The following LMTK2 variants were observed in gnomAD, a reference collection of about 807,000 sequenced individuals.
The protein encoded by LMTK2 is lemur tail kinase 2, also known as serine/threonine-protein kinase LMTK2.
Under a neutral mutation model 127.5 loss-of-function variants are expected in LMTK2, and 37 were observed. The observed-to-expected ratio is 0.29, with a 90% CI of 0.22 to 0.38. The LOEUF is 0.38. LMTK2 is among the 10% of genes least tolerant of loss of function. The pLI is 1.00. For synonymous variants in LMTK2, 819 were observed against 810.1 expected (o/e 1.01, Z -0.19); for missense variants, 1,694 against 1,920.3 (o/e 0.88, Z 2.20).
chr7:98,155,138 G>A (rs1357864770), intron 5 of LMTK2, among the ~76,000 whole-genome samples: 1 of 152,108 alleles, frequency 6.6e-6, no homozygotes, highest in African/African-American at 2.4e-5. Flanking sequence ...GAATTTTAAA[G>A]CACTCATCAT....
intron 6 of LMTK2, among the ~76,000 whole-genome samples, chr7:98,170,464 C>T (rs75522698): frequency 0.012 from 1,880 of 151,702 alleles, 25 homozygotes; most frequent in Non-Finnish European, 0.019. Flanking sequence ...GATAAATTGG[C>T]TATCTTCAGT....
rs994777035 is a variant in LMTK2 at position 98,209,538 on chromosome 7, T to C, written c.*4046T>C. 1 of 152,080 alleles carries C rather than the reference T, an allele frequency of 6.6e-6. No homozygotes were observed. The highest frequency in any genetic ancestry group is 2.4e-5 in the African/African-American group (1 of 41,308). The allele number at this position is 152,080 out of a possible 1,614,324, so 9.4% of individuals were successfully genotyped here. A position where few individuals can be genotyped will look rare whatever the true frequency, so the allele number is the denominator to read the frequency against. ...TGTGTACATTTTTAAATTGTAAGAT[T>C]TTTACTGTATATTGATGCATAGTGT... is the stretch of plus-strand genomic sequence containing the variant. On this transcript the variant is annotated 3_prime_UTR_variant, in exon 14 of 14. Transcript: ENST00000297293.
Position 98,190,738 on chromosome 7 carries a change from G to A in LMTK2, c.1009G>A (p.Val337Met). The change falls in exon 10 of 14, where the codon GTG becomes ATG. Residue 337 changes from valine to methionine, a missense_variant. Around this residue, in one of 8 missense-constraint regions of LMTK2, gnomAD observed 47 missense variants for 95.4 expected, o/e 0.49. Transcript: ENST00000297293. ...TKYSNIWSLG[V>M]TLWELFDNAA... ...TTCTTTTTCCAACAGGTCTCTGGGT[G>A]TGACACTTTGGGAGCTTTTTGACAA... The A allele has an allele frequency of 1.2e-6, 2 of 1,614,202 alleles. No individual in the cohort carries two copies. Among genetic ancestry groups the A allele is most frequent in the Non-Finnish European group, 1.7e-6 (2 of 1,180,042 alleles).
At chr7:98,163,797 G>A (rs561488642) in intron 6 of LMTK2, among the ~76,000 whole-genome samples, 4 of 152,206 alleles carry the variant, frequency 2.6e-5, no homozygotes, top group South Asian at 4.1e-4. Context: ...GATCAGAGGG[G>A]CATAACCCAA....
Position 98,204,003 on chromosome 7 carries a change from A to G in LMTK2, c.4300A>G (p.Ser1434Gly). 1 of 1,614,204 alleles carries G rather than the reference A, an allele frequency of 6.2e-7. No homozygotes were observed. The highest frequency in any genetic ancestry group is 8.5e-7 in the Non-Finnish European group (1 of 1,180,036). ...SPDPFMSKTT[S>G]NLLSSKPSLQ... is the part of the protein sequence containing the mutation. ...AGATCCTTTTATGTCAAAGACAACA[A>G]GTAACCTGCTCAGCTCCAAGCCTTC... Residue 1434 changes from serine (S) to glycine (G), a missense_variant, in exon 13 of 14, where the codon AGT (serine) becomes GGT (glycine). Physicochemically the swap from Ser to Gly is moderately conservative, Grantham distance 56 (BLOSUM62 0). Transcript: ENST00000297293.
chr7:98,141,089 A>C (rs1249463565), intron 2 of LMTK2, among the ~76,000 whole-genome samples: 1 of 151,808 alleles, frequency 6.6e-6, no homozygotes, highest in Non-Finnish European at 1.5e-5. Flanking sequence ...AAAAAAAAGA[A>C]TTGCTTAAAC....
chr7:98,129,355 AGTTTTGTTTT>A (rs10611952), intron 1 of LMTK2, among the ~76,000 whole-genome samples: 1,944 of 148,920 alleles, frequency 0.013, 47 homozygotes, highest in African/African-American at 0.045. Flanking sequence ...AAGTTTATTC[AGTTTTGTTTT>A]GTTTTGTTTT....
chr7:98,116,565 T>A (rs1464389746), intron 1 of LMTK2, among the ~76,000 whole-genome samples: 1 of 152,090 alleles, frequency 6.6e-6, no homozygotes, highest in Non-Finnish European at 1.5e-5. Flanking sequence ...GTTTTTTTTT[T>A]ATTAAAACCT....
intron 2 of LMTK2, among the ~76,000 whole-genome samples, chr7:98,141,015 C>CCACTGTGCTCCAGT (rs904475961): frequency 7.9e-5 from 12 of 151,352 alleles, no homozygotes; most frequent in Non-Finnish European, 1.8e-4. Flanking sequence ...CATGATCATG[C>CCACTGTGCTCCAGT]CACTGTGCTC....
chr7:98,145,277 TAAA>T (rs5886052), intron 3 of LMTK2, among the ~76,000 whole-genome samples: 9 of 147,282 alleles, frequency 6.1e-5, no homozygotes, highest in Admixed American at 6.8e-5. Context: ...AATGGTACAC[TAAA>T]AAAAAAAAAA....
In LMTK2 at chr7:98,205,510, C is replaced by A. The variant is rs375712279; in HGVS notation, c.*18C>A. ...AGGACTAGGTGGCTGCCAACGCGCA[C>A]GCTCGGGTCCGAGGCTGCTCCCCTG... On this transcript the variant is annotated 3_prime_UTR_variant, in exon 14 of 14. Transcript: ENST00000297293. 4.3e-6 allele frequency: 7 copies of A among 1,611,626 alleles called. No homozygotes were observed. Among genetic ancestry groups the A allele is most frequent in the Non-Finnish European group, 4.2e-6 (5 of 1,179,884 alleles).
chr7:98,109,022 C>T (rs1449036054), intron 1 of LMTK2, among the ~76,000 whole-genome samples: 2 of 151,870 alleles, frequency 1.3e-5, no homozygotes, highest in Non-Finnish European at 2.9e-5. Flanking sequence ...CCACCATGTC[C>T]GGCTAATTTT....
intron 7 of LMTK2, among the ~76,000 whole-genome samples, chr7:98,174,764 T>C (rs1373000450): frequency 6.6e-6 from 1 of 152,174 alleles, no homozygotes; most frequent in African/African-American, 2.4e-5. Flanking sequence ...CTGGGGTTAG[T>C]GTGTAGCGAA....
chr7:98,198,039 A>G (rs1797653790), intron 11 of LMTK2, among the ~76,000 whole-genome samples: 1 of 151,842 alleles, frequency 6.6e-6, no homozygotes, highest in South Asian at 2.1e-4. Context: ...AGATTTGTTG[A>G]TCTTTCCAAA....
rs532130100 is a variant in LMTK2, at chr7:98,152,995, G to A, written c.450+1540G>A. On this transcript the variant is annotated intron_variant, in intron 4 of 13. Transcript: ENST00000297293. ...AAGAGGCAGTCAGATTGACTGCTGA[G>A]GGCCTGATGAACTGGAAGAATGGAG... 2.0e-5 allele frequency among the ~76,000 whole-genome samples: 3 copies of A among 152,316 alleles called. No individual in the cohort carries two copies. The East Asian group carries it at 5.8e-4, about 29-fold the overall frequency.
At chr7:98,148,819 G>T (rs1276620122) in intron 3 of LMTK2, among the ~76,000 whole-genome samples, 1 of 152,188 alleles carries the variant, frequency 6.6e-6, no homozygotes, top group East Asian at 1.9e-4. Context: ...CTTCCTTCTT[G>T]TGTTGGGCCT....
intron 1 of LMTK2, among the ~76,000 whole-genome samples, chr7:98,117,129 C>T (rs562734746): frequency 5.9e-5 from 9 of 152,246 alleles, no homozygotes; most frequent in African/African-American, 2.2e-4. Flanking sequence ...CCATGGTGTA[C>T]GAGTGCAGGG....
intron 1 of LMTK2, among the ~76,000 whole-genome samples, chr7:98,129,084 A>G (rs1482315531): frequency 6.6e-6 from 1 of 151,884 alleles, no homozygotes; most frequent in Non-Finnish European, 1.5e-5. Context: ...GTTTATTATT[A>G]TTATTTTTGA....
chr7:98,165,439 A>C (rs1313435907), intron 6 of LMTK2, among the ~76,000 whole-genome samples: 1 of 152,170 alleles, frequency 6.6e-6, no homozygotes, highest in Non-Finnish European at 1.5e-5. Flanking sequence ...CCAGTGCCAA[A>C]GTGAGTGTGT....
Sources: allele counts gnomAD v4.1 joint callset (sites outside exome capture counted in the v4.1 genomes callset), GRCh38; gene constraint gnomAD v4.1.1; regional missense constraint gnomAD v4.1.1; transcripts MANE v1.5; gene names NCBI Gene and HGNC (gene_info 2026-07-23, HGNC 2026-07-21).